Variants in DDAH1 observed in about 807,000 individuals in gnomAD.
DDAH1 encodes the protein dimethylarginine dimethylaminohydrolase 1, also known as N(G),N(G)-dimethylarginine dimethylaminohydrolase 1.
A neutral mutation model predicts 28.8 loss-of-function variants in DDAH1; 19 were observed. The ratio of observed to expected loss-of-function variants is 0.66; its 90% CI spans 0.46 to 0.97. The LOEUF (loss-of-function observed/expected upper bound fraction) is 0.97, where lower values mean the gene tolerates loss of function less well. Among genes scored for constraint, DDAH1 ranks in the 50% least tolerant of loss-of-function variants. The probability of loss-of-function intolerance (pLI) is 0.00; values close to 1 mark genes in which losing one functional copy is unlikely to be tolerated. For missense variants in DDAH1, 326 were observed against 375.9 expected (o/e 0.87, Z 1.10); for synonymous variants, 153 against 154.4 (o/e 0.99, Z 0.07).
chr1:85,528,656 C>A (rs1345251750), intron 1 of DDAH1, among the ~76,000 whole-genome samples: 1 of 152,072 alleles, frequency 6.6e-6, no homozygotes, highest in Non-Finnish European at 1.5e-5. Context: ...CTACTTCCTT[C>A]CTTTAAGCTT....
At chr1:85,348,919 A>G (rs1373099213) in intron 4 of DDAH1, among the ~76,000 whole-genome samples, 1 of 152,210 alleles carries the variant, frequency 6.6e-6, no homozygotes, top group African/African-American at 2.4e-5. Flanking sequence ...GTCCACCCAG[A>G]AGAAGTTCTT....
At chr1:85,550,158 A>G (rs1658744316) in intron 1 of DDAH1, among the ~76,000 whole-genome samples, 1 of 152,056 alleles carries the variant, frequency 6.6e-6, no homozygotes, top group Non-Finnish European at 1.5e-5. Context: ...CCCAACTACC[A>G]CTGTTTCCTA....
intron 1 of DDAH1, among the ~76,000 whole-genome samples, chr1:85,389,405 G>T (rs1651432761): frequency 6.6e-6 from 1 of 152,134 alleles, no homozygotes; most frequent in South Asian, 2.1e-4. Flanking sequence ...TTTAGTCTGG[G>T]AGTCTAGACT....
At chr1:85,381,932 G>C (rs796217836) in intron 1 of DDAH1, among the ~76,000 whole-genome samples, 1 of 152,094 alleles carries the variant, frequency 6.6e-6, no homozygotes, top group African/African-American at 2.4e-5. Context: ...GTTTGTTTCC[G>C]TCACTCCCTC....
At position 85,358,775 on chromosome 1, in the gene DDAH1, A is replaced by G; in HGVS notation, c.376T>C (p.Leu126=). The change falls in exon 2 of 6, where the codon TTA becomes CTA. Residue 126 remains leucine, a synonymous_variant. Coordinates refer to ENST00000284031, the MANE Select transcript of DDAH1 (RefSeq NM_012137.4). ...IVEMKDENAT[L]DGGDVLFTGR... ...GTGAATAAAACATCTCCGCCATCTAAAGTTGCATTTTCATCTTTCATCTCT... is the reference window on the plus strand; with the variant it reads ...GTGAATAAAACATCTCCGCCATCTAGAGTTGCATTTTCATCTTTCATCTCT... 1 of 1,611,904 alleles carries G rather than the reference A, an allele frequency of 6.2e-7. No individual in the cohort carries two copies. The highest frequency in any genetic ancestry group is 8.5e-7 in the Non-Finnish European group (1 of 1,178,750).
At chr1:85,491,573 T>C (rs1656404668) in intron 2 of DDAH1, among the ~76,000 whole-genome samples, 1 of 152,194 alleles carries the variant, frequency 6.6e-6, no homozygotes, top group Non-Finnish European at 1.5e-5. Context: ...CCTAAAAGTG[T>C]GCTTGCCACT....
At chr1:85,450,002 T>C (rs1184675627) in intron 1 of DDAH1, among the ~76,000 whole-genome samples, 1 of 152,126 alleles carries the variant, frequency 6.6e-6, no homozygotes. Flanking sequence ...GCATGGGTAA[T>C]CCACTAATTC....
intron 1 of DDAH1, among the ~76,000 whole-genome samples, chr1:85,462,184 A>G (rs1179967169): frequency 6.6e-6 from 1 of 152,224 alleles, no homozygotes; most frequent in Non-Finnish European, 1.5e-5. Flanking sequence ...AGGAAAGAGG[A>G]AGAGTACCCG....
intron 1 of DDAH1, chr1:85,404,655 T>C (rs755535052): frequency 5.7e-5 from 34 of 598,362 alleles, no homozygotes; most frequent in Non-Finnish European, 8.1e-5. Flanking sequence ...AGTATTTCTT[T>C]AAATTCCACG....
At chr1:85,353,553 T>C (rs1649341199) in intron 2 of DDAH1, among the ~76,000 whole-genome samples, 1 of 152,134 alleles carries the variant, frequency 6.6e-6, no homozygotes, top group Admixed American at 6.6e-5. Context: ...TGTGTTGTCC[T>C]TTAAGAAAAC....
chr1:85,378,647 G>C (rs2064510), intron 1 of DDAH1, among the ~76,000 whole-genome samples: 19,870 of 152,246 alleles, frequency 0.13, 1,578 homozygotes, highest in South Asian at 0.29. Flanking sequence ...GAGCTCAAGT[G>C]ATCTATCCAC....
At chr1:85,544,748 A>G (rs1658569146) in intron 1 of DDAH1, among the ~76,000 whole-genome samples, 1 of 152,120 alleles carries the variant, frequency 6.6e-6, no homozygotes, top group Non-Finnish European at 1.5e-5. Flanking sequence ...CTACCTGGGC[A>G]CAGTAGCTGA....
chr1:85,423,520 T>A (rs1653248074), intron 1 of DDAH1, among the ~76,000 whole-genome samples: 1 of 152,022 alleles, frequency 6.6e-6, no homozygotes, highest in Non-Finnish European at 1.5e-5. Context: ...CCTTGCTTCC[T>A]CCCTCCCTCC....
intron 1 of DDAH1, among the ~76,000 whole-genome samples, chr1:85,430,167 ATTG>A (rs1653607821): frequency 6.6e-6 from 1 of 152,144 alleles, no homozygotes; most frequent in Admixed American, 6.5e-5. Context: ...TCCTTTCCTC[ATTG>A]CTTGTTTTTG....
intron 1 of DDAH1, among the ~76,000 whole-genome samples, chr1:85,576,475 G>C (rs796364813): frequency 1.3e-4 from 20 of 152,308 alleles, no homozygotes; most frequent in African/African-American, 4.3e-4. Context: ...CCGAGAGCCA[G>C]CTTTACCATG....
At chr1:85,341,734 A>T (rs1200631953) in intron 4 of DDAH1, among the ~76,000 whole-genome samples, 1 of 152,054 alleles carries the variant, frequency 6.6e-6, no homozygotes, top group Non-Finnish European at 1.5e-5. Context: ...AATGGCGTGA[A>T]CCCGGGAGGT....
rs544451791 is a variant in DDAH1, at chr1:85,435,951, C to T, written c.303+28792G>A. On this transcript the variant is annotated intron_variant, in intron 1 of 5. Coordinates refer to ENST00000284031, the MANE Select transcript of DDAH1 (RefSeq NM_012137.4). ...GACTACTGGCGTGTGCCACAATGCCCGGCTAATTTTGTGTGTGTGTGTGTG... is the reference window on the plus strand; with the variant it reads ...GACTACTGGCGTGTGCCACAATGCCTGGCTAATTTTGTGTGTGTGTGTGTG... Among the ~76,000 whole-genome samples, 49 of 109,236 alleles carry T rather than the reference C, an allele frequency of 4.5e-4. 1 individual carries two copies. In the South Asian group the frequency reaches 0.01, roughly 23 times the overall value. 71.7% of individuals were successfully genotyped at this position (109,236 alleles called of 152,430 possible). A position where few individuals can be genotyped will look rare whatever the true frequency, so the allele number is the denominator to read the frequency against.
chr1:85,523,462 A>C (rs1466687258), intron 1 of DDAH1, among the ~76,000 whole-genome samples: 1 of 152,174 alleles, frequency 6.6e-6, no homozygotes, highest in Non-Finnish European at 1.5e-5. Context: ...TGGCTGGACT[A>C]ATTCTGGTAT....
intron 1 of DDAH1, among the ~76,000 whole-genome samples, chr1:85,512,198 C>G (rs550262821): frequency 1.3e-5 from 2 of 152,068 alleles, no homozygotes; most frequent in Non-Finnish European, 2.9e-5. Context: ...GTTCAACATA[C>G]GCAAATCAAT....
Sources: gnomAD v4.1 joint callset for allele counts (sites outside exome capture counted in the v4.1 genomes callset) on GRCh38, gnomAD v4.1.1 for gene constraint, MANE v1.5 for transcripts, NCBI Gene and HGNC (gene_info 2026-07-23, HGNC 2026-07-21) for gene names.